Variants in DDX10 observed in about 807,000 individuals in gnomAD.
DDX10 encodes the protein DEAD-box helicase 10.
A neutral mutation model predicts 104.3 loss-of-function variants in DDX10; 74 were observed. That is an observed-to-expected ratio of 0.71 (90% CI 0.59 to 0.86). DDX10 has a LOEUF of 0.86. Ranked by LOEUF, DDX10 falls within the 40% of genes least tolerant of loss-of-function variation. DDX10 has a pLI of 0.00. For missense variants in DDX10, 952 were observed against 1,040.0 expected (o/e 0.92, Z 1.16); for synonymous variants, 351 against 353.4 (o/e 0.99, Z 0.08).
intron 13 of DDX10, among the ~76,000 whole-genome samples, chr11:108,725,401 CCAAA>C (rs2094304161): frequency 6.6e-6 from 1 of 152,070 alleles, no homozygotes. Flanking sequence ...CAGTTGTTTT[CCAAA>C]TCAGCTCTTC....
intron 16 of DDX10, among the ~76,000 whole-genome samples, chr11:108,887,643 A>T (rs1863316626): frequency 6.6e-6 from 1 of 151,458 alleles, no homozygotes; most frequent in African/African-American, 2.4e-5. Flanking sequence ...GGCCAGATGC[A>T]GTGGCTCATT....
At chr11:108,789,362 CTAA>C (rs757857117) in intron 13 of DDX10, among the ~76,000 whole-genome samples, 2 of 152,136 alleles carry the variant, frequency 1.3e-5, no homozygotes, top group African/African-American at 2.4e-5. Flanking sequence ...TTATTTCAGA[CTAA>C]TCTATCTAGG....
At position 108,722,996 on chromosome 11, in the gene DDX10, G is replaced by C; in HGVS notation, c.1500-1G>C. On this transcript the variant is annotated splice_acceptor_variant, in intron 12 of 17. Coordinates refer to ENST00000322536, the MANE Select transcript of DDX10 (RefSeq NM_004398.4). LOFTEE classifies it high-confidence loss of function. ...TGTTTTCACGTTTTTCCATATTTAA[G>C]GTCTCTTGGTCTTGCTGTGGCACCA... 3 of 1,593,020 alleles carry C rather than the reference G, an allele frequency of 1.9e-6. No individual in the cohort carries two copies.
chr11:108,691,867 A>G lies in DDX10; in HGVS notation c.976-9A>G, dbSNP rs2094253050. The G allele has an allele frequency of 6.2e-7, 1 of 1,608,684 alleles. No individual in the cohort carries two copies. Among genetic ancestry groups the G allele is most frequent in the South Asian group, 1.1e-5 (1 of 89,926 alleles). ...CATAAGCAAACTTATTCTTCTGTTG[A>G]TGCCCCAGGTCCAGTATCTGTACCG... On this transcript the variant is annotated splice_polypyrimidine_tract_variant and intron_variant, in intron 7 of 17. Coordinates refer to ENST00000322536, the MANE Select transcript of DDX10 (RefSeq NM_004398.4).
intron 13 of DDX10, among the ~76,000 whole-genome samples, chr11:108,738,382 T>G (rs1200814273): frequency 1.3e-5 from 2 of 152,056 alleles, no homozygotes; most frequent in African/African-American, 4.8e-5. Flanking sequence ...TTTTAGTAGC[T>G]ATTGAGCCAT....
rs774071788 is a variant in DDX10 at position 108,723,255 on chromosome 11, A to C, written c.1758A>C (p.Glu586Asp). 37 of 1,613,248 alleles carry C rather than the reference A, an allele frequency of 2.3e-5. No homozygotes were observed. In the South Asian group the frequency reaches 3.5e-4, roughly 15 times the overall value. Reference sequence around the variant, plus strand: ...GTAATGAAGAACAGGAAGAAGAAGAAGACGATGAAGAAGAAATGGAAGAGA... The same window carrying C: ...GTAATGAAGAACAGGAAGAAGAAGACGACGATGAAGAAGAAATGGAAGAGA... The part of the protein sequence containing the change: ...DTGNEEQEEE[E>D]DDEEEMEEKL... Residue 586 changes from glutamate (E) to aspartate (D), a missense_variant, in exon 13 of 18, where the codon GAA becomes GAC. By Grantham distance (45) the Glu-to-Asp change is conservative (BLOSUM62 2). Coordinates refer to ENST00000322536, the MANE Select transcript of DDX10 (RefSeq NM_004398.4).
chr11:108,846,973 A>C (rs1862728016), intron 15 of DDX10, among the ~76,000 whole-genome samples: 1 of 152,226 alleles, frequency 6.6e-6, no homozygotes, highest in African/African-American at 2.4e-5. Context: ...TAGCAGCTTT[A>C]GTTGCTCTTC....
chr11:108,830,447 A>C (rs911046278), intron 13 of DDX10, among the ~76,000 whole-genome samples: 2 of 152,086 alleles, frequency 1.3e-5, no homozygotes, highest in Non-Finnish European at 2.9e-5. Context: ...AGCTTTTTGG[A>C]TGAGTCTTTA....
chr11:108,677,582 G>T (rs1316591467), intron 4 of DDX10, among the ~76,000 whole-genome samples: 1 of 151,608 alleles, frequency 6.6e-6, no homozygotes, highest in African/African-American at 2.4e-5. Flanking sequence ...CTAAGAGGCT[G>T]AATAATTCAG....
At chr11:108,844,375 T>G (rs1862683754) in intron 15 of DDX10, among the ~76,000 whole-genome samples, 1 of 152,244 alleles carries the variant, frequency 6.6e-6, no homozygotes, top group African/African-American at 2.4e-5. Flanking sequence ...CACACATATG[T>G]ATTTGTGTGT....
In DDX10 at chr11:108,710,201, A is replaced by C. The variant is rs541753935; in HGVS notation, c.1322+3364A>C. Among the ~76,000 whole-genome samples, 1,488 of 152,320 alleles carry C rather than the reference A, an allele frequency of 9.8e-3. 19 individuals are homozygous for C. The highest frequency in any genetic ancestry group is 0.034 in the African/African-American group (1,426 of 41,562). ...GTCAGTGAGTGGTGCATGAATGTGA[A>C]GAGTTAGCACATTACTGTATACAAG... is the stretch of plus-strand genomic sequence containing the variant. On this transcript the variant is annotated intron_variant, in intron 10 of 17. Transcript: ENST00000322536.
intron 17 of DDX10, among the ~76,000 whole-genome samples, chr11:108,926,529 T>C (rs1286786918): frequency 1.3e-5 from 2 of 152,224 alleles, no homozygotes; most frequent in African/African-American, 4.8e-5. Flanking sequence ...CAGTTATGTT[T>C]ATAATGAACT....
chr11:108,755,319 T>C (rs1054488769), intron 13 of DDX10, among the ~76,000 whole-genome samples: 9 of 152,098 alleles, frequency 5.9e-5, no homozygotes, highest in African/African-American at 2.2e-4. Context: ...GCATGATTTT[T>C]TCTCTAACTT....
At chr11:108,870,203 C>T (rs1424396685) in intron 16 of DDX10, among the ~76,000 whole-genome samples, 1 of 152,116 alleles carries the variant, frequency 6.6e-6, no homozygotes, top group Non-Finnish European at 1.5e-5. Flanking sequence ...CCTGCTATCC[C>T]TATCATCCAA....
intron 13 of DDX10, among the ~76,000 whole-genome samples, chr11:108,833,562 T>C (rs899961416): frequency 3.9e-5 from 6 of 152,362 alleles, no homozygotes; most frequent in Admixed American, 3.3e-4. Context: ...TAACAGTGGC[T>C]TCCCTAAAAC....
chr11:108,906,775 T>G (rs1305266523), intron 16 of DDX10, among the ~76,000 whole-genome samples: 1 of 152,246 alleles, frequency 6.6e-6, no homozygotes, highest in Non-Finnish European at 1.5e-5. Context: ...TGTAGCATCA[T>G]CAGTATCCTG....
At chr11:108,858,360 A>T (rs1158996317) in intron 16 of DDX10, among the ~76,000 whole-genome samples, 1 of 152,164 alleles carries the variant, frequency 6.6e-6, no homozygotes, top group African/African-American at 2.4e-5. Context: ...AGTTTTTTTC[A>T]TGGATGGCAC....
chr11:108,880,813 T>C (rs771620044), intron 16 of DDX10, among the ~76,000 whole-genome samples: 1 of 152,226 alleles, frequency 6.6e-6, no homozygotes, highest in Non-Finnish European at 1.5e-5. Flanking sequence ...TCAAAGCTAT[T>C]ATTACCAAGT....
At chr11:108,842,869 C>A (rs565443367) in intron 15 of DDX10, among the ~76,000 whole-genome samples, 1 of 152,232 alleles carries the variant, frequency 6.6e-6, no homozygotes, top group East Asian at 1.9e-4. Context: ...TAAGTTGTAG[C>A]CAGCAGTAAA....
Sources: gnomAD v4.1 joint callset for allele counts (sites outside exome capture counted in the v4.1 genomes callset) on GRCh38, gnomAD v4.1.1 for gene constraint, MANE v1.5 for transcripts, NCBI Gene and HGNC (gene_info 2026-07-23, HGNC 2026-07-21) for gene names.